The following NRXN3 variants were observed in gnomAD, a reference collection of about 807,000 sequenced individuals.
NRXN3 encodes neurexin 3, also known as neurexin III.
Under a neutral mutation model 137.6 loss-of-function variants are expected in NRXN3, and 32 were observed. The ratio of observed to expected loss-of-function variants is 0.23; its 90% CI spans 0.18 to 0.31. NRXN3 has a LOEUF of 0.31. Ranked by LOEUF, NRXN3 falls within the 10% of genes least tolerant of loss-of-function variation. The probability of loss-of-function intolerance (pLI) is 1.00; values close to 1 mark genes in which losing one functional copy is unlikely to be tolerated. For synonymous variants in NRXN3, 798 were observed against 784.5 expected (o/e 1.02, Z -0.29); for missense variants, 1,574 against 2,062.5 (o/e 0.76, Z 4.59).
chr14:78,520,896 T>C (rs1214118769), intron 4 of NRXN3, among the ~76,000 whole-genome samples: 1 of 152,176 alleles, frequency 6.6e-6, no homozygotes, highest in Non-Finnish European at 1.5e-5. Context: ...GCATTAATAT[T>C]ATGGTGCTGA....
rs368039121 is a variant in NRXN3, at chr14:78,486,363, T to C, written c.758-158757T>C. Among the ~76,000 whole-genome samples, 4 of 152,242 alleles carry C rather than the reference T, an allele frequency of 2.6e-5. No individual in the cohort carries two copies. In the East Asian group the frequency reaches 7.7e-4, roughly 29 times the overall value. Reference sequence around the variant, plus strand: ...TTAACATGAGATGCCTCCTGTTCCTTTGGGAGGTCTGTAATTTTTCTCAGA... The same window carrying C: ...TTAACATGAGATGCCTCCTGTTCCTCTGGGAGGTCTGTAATTTTTCTCAGA... On this transcript the variant is annotated intron_variant, in intron 4 of 20. Coordinates refer to ENST00000335750, the MANE Select transcript of NRXN3 (RefSeq NM_001330195.2).
At chr14:79,375,221 T>G (rs2094228836) in intron 15 of NRXN3, among the ~76,000 whole-genome samples, 1 of 142,974 alleles carries the variant, frequency 7.0e-6, no homozygotes, top group Admixed American at 8.0e-5. Flanking sequence ...TTACCAGTAC[T>G]TTTGAGTTTT....
chr14:79,200,252 A>T (rs190646936), intron 15 of NRXN3, among the ~76,000 whole-genome samples: 4 of 152,332 alleles, frequency 2.6e-5, no homozygotes, highest in African/African-American at 9.6e-5. Flanking sequence ...CTGCTAAGCT[A>T]AAGTTGTGGA....
chr14:78,814,482 G>A (rs2098925302), intron 10 of NRXN3, among the ~76,000 whole-genome samples: 1 of 152,172 alleles, frequency 6.6e-6, no homozygotes, highest in Admixed American at 6.5e-5. Context: ...GGGTGTGGTG[G>A]TGTGCACCTG....
At chr14:78,538,476 T>A (rs1022055557) in intron 4 of NRXN3, among the ~76,000 whole-genome samples, 1 of 152,218 alleles carries the variant, frequency 6.6e-6, no homozygotes, top group African/African-American at 2.4e-5. Context: ...ATCCTGAGAC[T>A]TTGCTGAAGT....
intron 16 of NRXN3, among the ~76,000 whole-genome samples, chr14:79,570,811 C>T (rs2153796874): frequency 6.6e-6 from 1 of 152,266 alleles, no homozygotes; most frequent in East Asian, 1.9e-4. Context: ...TGTGAGGGAT[C>T]ACTTCCTGGC....
At chr14:79,563,494 A>C (rs979185594) in intron 16 of NRXN3, among the ~76,000 whole-genome samples, 1 of 152,108 alleles carries the variant, frequency 6.6e-6, no homozygotes. Flanking sequence ...TAACGTCCTG[A>C]AAATTCTAGT....
chr14:78,702,287 T>C (rs1045640803), intron 6 of NRXN3, among the ~76,000 whole-genome samples: 2 of 118,324 alleles, frequency 1.7e-5, no homozygotes, highest in Non-Finnish European at 4.0e-5. Flanking sequence ...TAAATACATA[T>C]ATGAAGTTCA....
At chr14:79,112,330 G>T (rs1320532383) in intron 15 of NRXN3, among the ~76,000 whole-genome samples, 2 of 152,164 alleles carry the variant, frequency 1.3e-5, no homozygotes, top group Non-Finnish European at 2.9e-5. Context: ...GCATGTAGGA[G>T]TGGACTGCTG....
At chr14:78,751,995 C>T (rs1193920196) in intron 8 of NRXN3, among the ~76,000 whole-genome samples, 7 of 152,218 alleles carry the variant, frequency 4.6e-5, no homozygotes, top group African/African-American at 1.7e-4. Flanking sequence ...GGAGATCACG[C>T]CACAGGCAGA....
At chr14:79,018,295 A>T in intron 15 of NRXN3, among the ~76,000 whole-genome samples, 1 of 16,042 alleles carries the variant, frequency 6.2e-5, no homozygotes, top group African/African-American at 9.1e-5. Context: ...AAAAAAAAAA[A>T]AGAGAGAGAG....
chr14:79,056,394 T>TA (rs1491190597), intron 15 of NRXN3, among the ~76,000 whole-genome samples: 4 of 57,756 alleles, frequency 6.9e-5, no homozygotes, highest in African/African-American at 3.5e-4. Context: ...TATCCGTGCA[T>TA]TTTTTTTTTC....
chr14:79,314,534 C>T (rs528571476), intron 15 of NRXN3, among the ~76,000 whole-genome samples: 9 of 40,994 alleles, frequency 2.2e-4, no homozygotes, highest in South Asian at 9.4e-4. Flanking sequence ...ACAAAGCAGC[C>T]GGGAAGCTCG....
chr14:79,349,208 G>C (rs899713891), intron 15 of NRXN3, among the ~76,000 whole-genome samples: 2 of 152,074 alleles, frequency 1.3e-5, no homozygotes, highest in African/African-American at 4.8e-5. Flanking sequence ...CAGCAAACTA[G>C]AGGTGTCCAT....
intron 8 of NRXN3, among the ~76,000 whole-genome samples, chr14:78,800,904 C>T (rs1226765796): frequency 6.6e-6 from 1 of 152,196 alleles, no homozygotes; most frequent in Non-Finnish European, 1.5e-5. Flanking sequence ...AATCTAAAAC[C>T]ATTTACTTTC....
chr14:78,868,365 T>C (rs2099092689), intron 10 of NRXN3, among the ~76,000 whole-genome samples: 1 of 152,166 alleles, frequency 6.6e-6, no homozygotes, highest in Non-Finnish European at 1.5e-5. Context: ...TCTTAGTTGA[T>C]CTGAAATTTG....
At chr14:78,201,463 G>A (rs2061670320) in intron 1 of NRXN3, among the ~76,000 whole-genome samples, 1 of 152,148 alleles carries the variant, frequency 6.6e-6, no homozygotes, top group African/African-American at 2.4e-5. Flanking sequence ...CAGAAAAGGT[G>A]GTGAGAGGCA....
intron 15 of NRXN3, among the ~76,000 whole-genome samples, chr14:79,009,305 G>C (rs10129767): frequency 0.048 from 7,353 of 152,222 alleles, 637 homozygotes; most frequent in African/African-American, 0.17. Flanking sequence ...AATCTGACAT[G>C]CAGACTTGGA....
chr14:79,005,818 T>G (rs2099551382), intron 15 of NRXN3, among the ~76,000 whole-genome samples: 3 of 152,170 alleles, frequency 2.0e-5, no homozygotes, highest in Non-Finnish European at 2.9e-5. Flanking sequence ...TGTGATTATT[T>G]TACTTGTACA....
Sources: gnomAD v4.1 joint callset for allele counts (sites outside exome capture counted in the v4.1 genomes callset) on GRCh38, gnomAD v4.1.1 for gene constraint, MANE v1.5 for transcripts, NCBI Gene and HGNC (gene_info 2026-07-23, HGNC 2026-07-21) for gene names.